FNDC1: variants seen among roughly 807,000 people sequenced by gnomAD.
FNDC1 encodes the protein fibronectin type III domain-containing protein 1.
In FNDC1, 96 loss-of-function variants were observed where a neutral mutation model predicts 168.0. The ratio of observed to expected loss-of-function variants is 0.57; its 90% confidence interval spans 0.48 to 0.68. The LOEUF is 0.68. FNDC1 is among the 30% of genes least tolerant of loss of function. The pLI is 0.00. For missense variants in FNDC1, 2,587 were observed against 2,482.1 expected (o/e 1.04, Z -0.90); for synonymous variants, 1,099 against 1,025.9 (o/e 1.07, Z -1.36).
chr6:159,237,250 C>T (rs190570431), intron 12 of FNDC1, among the ~76,000 whole-genome samples: 133 of 152,330 alleles, frequency 8.7e-4, no homozygotes, highest in Middle Eastern at 3.4e-3. Flanking sequence ...ACAATACCCA[C>T]CAAAGTGGCT....
chr6:159,192,909 C>T lies in FNDC1; in HGVS notation c.110-4522C>T, dbSNP rs184469834. ...TCCTTGGACAGATCTGTACCTGATG[C>T]CTTCAGGGGCTAGGTTGGTCTAGTT... is the stretch of plus-strand genomic sequence containing the variant. On this transcript the variant is annotated intron_variant, in intron 1 of 22. Transcript: ENST00000297267. Among the ~76,000 whole-genome samples, 6 of 152,260 alleles carry T rather than the reference C, an allele frequency of 3.9e-5. 1 individual carries two copies. The highest frequency in any genetic ancestry group is 3.9e-4 in the Admixed American group (6 of 15,308).
rs1777630718 is a variant in FNDC1, at chr6:159,268,167, GAT to G, written c.5569+243_5569+244del. Among the ~76,000 whole-genome samples the G allele has an allele frequency of 3.3e-5, 5 of 152,288 alleles. No individual in the cohort carries two copies. In the South Asian group the frequency reaches 1.0e-3, roughly 32 times the overall value. On this transcript the variant is annotated intron_variant, in intron 22 of 22. Transcript: ENST00000297267. ...TGAACAAAGGTACAGAGAAGGCAAA[GAT>G]AAACACACATGCAGACCCACCGTGA...
At position 159,256,626 on chromosome 6, in the gene FNDC1, C is replaced by T. The variant is rs770819297; in HGVS notation, c.5169C>T (p.Asn1723=). 5 of 1,607,230 alleles carry T rather than the reference C, an allele frequency of 3.1e-6. No individual in the cohort carries two copies. Among genetic ancestry groups the T allele is most frequent in the Non-Finnish European group, 4.3e-6 (5 of 1,173,724 alleles). ...TGCCCATTGAGAACCTAAAGCCCAA[C>T]ACGAGGTACGATGTGTCAGTCATTT... The part of the protein sequence containing the change: ...THLPIENLKP[N]TRYYFKVQAQ... The change falls in exon 18 of 23, where the codon AAC becomes AAT. Residue 1723 remains asparagine, a synonymous_variant. Coordinates refer to ENST00000297267, the MANE Select transcript of FNDC1 (RefSeq NM_032532.3).
Position 159,239,576 on chromosome 6 carries a change from C to T in FNDC1, c.4240C>T (p.His1414Tyr). 1 of 1,600,834 alleles carries T rather than the reference C, an allele frequency of 6.2e-7. No individual in the cohort carries two copies. The highest frequency in any genetic ancestry group is 8.5e-7 in the Non-Finnish European group (1 of 1,173,446). ...DGLPLFGQGR[H>Y]GTPLANAQDK... Reference sequence around the variant, plus strand: ...CCTCCCACTCTTTGGGCAGGGGCGACATGGCACACCTCTGGCCAATGCCCA... The same window carrying T: ...CCTCCCACTCTTTGGGCAGGGGCGATATGGCACACCTCTGGCCAATGCCCA... The change falls in exon 14 of 23, where the codon CAT (histidine) becomes TAT (tyrosine). Residue 1414 changes from histidine (H) to tyrosine (Y), a missense_variant. His to Tyr is a moderately conservative substitution (Grantham distance 83, BLOSUM62 2). Coordinates refer to ENST00000297267, the MANE Select transcript of FNDC1 (RefSeq NM_032532.3).
intron 17 of FNDC1, among the ~76,000 whole-genome samples, chr6:159,255,644 A>G (rs1452686047): frequency 1.3e-5 from 2 of 152,208 alleles, no homozygotes; most frequent in Non-Finnish European, 2.9e-5. Context: ...ACCTATTGCT[A>G]ATACTCAGTT....
chr6:159,252,825 A>G (rs1487207257), intron 17 of FNDC1, among the ~76,000 whole-genome samples: 1 of 152,266 alleles, frequency 6.6e-6, no homozygotes. Flanking sequence ...GACCTCTTGC[A>G]TAACAGATAT....
At position 159,212,742 on chromosome 6, in the gene FNDC1, C is replaced by T. The variant is rs946747865; in HGVS notation, c.461-2203C>T. On this transcript the variant is annotated intron_variant, in intron 4 of 22. Coordinates refer to ENST00000297267, the MANE Select transcript of FNDC1 (RefSeq NM_032532.3). The stretch of plus-strand genomic sequence containing the variant: ...AGAATACTTTTTGTTATATGTAATG[C>T]CTACTGGGCAAAGCAGTCATGTGTT... 5.3e-5 allele frequency among the ~76,000 whole-genome samples: 8 copies of T among 152,174 alleles called. No individual in the cohort carries two copies. The East Asian group carries it at 9.6e-4, about 18-fold the overall frequency.
chr6:159,184,808 A>G (rs1425254524), intron 1 of FNDC1, among the ~76,000 whole-genome samples: 2 of 152,182 alleles, frequency 1.3e-5, no homozygotes, highest in Non-Finnish European at 2.9e-5. Flanking sequence ...AACAATGGTC[A>G]TTCTTTAAGA....
At chr6:159,183,764 T>C (rs1583853064) in intron 1 of FNDC1, among the ~76,000 whole-genome samples, 1 of 152,124 alleles carries the variant, frequency 6.6e-6, no homozygotes, top group Non-Finnish European at 1.5e-5. Context: ...TGAGAAGACT[T>C]GCTTCTAGGA....
At chr6:159,268,177 C>T (rs1036578194) in intron 22 of FNDC1, among the ~76,000 whole-genome samples, 2 of 152,136 alleles carry the variant, frequency 1.3e-5, no homozygotes, top group African/African-American at 2.4e-5. Flanking sequence ...GATAAACACA[C>T]ATGCAGACCC....
chr6:159,205,118 G>A (rs574760402), intron 4 of FNDC1, among the ~76,000 whole-genome samples: 83 of 152,206 alleles, frequency 5.5e-4, no homozygotes, highest in Non-Finnish European at 1.1e-3. Flanking sequence ...TCTGGGGTGG[G>A]ATTCATCTTT....
intron 16 of FNDC1, among the ~76,000 whole-genome samples, chr6:159,250,092 C>T (rs1336492140): frequency 4.6e-5 from 7 of 152,200 alleles, no homozygotes; most frequent in Non-Finnish European, 1.0e-4. Context: ...GAAATGCTTT[C>T]TGTGGTATTA....
At chr6:159,176,875 T>C (rs1002954647) in intron 1 of FNDC1, among the ~76,000 whole-genome samples, 5 of 152,236 alleles carry the variant, frequency 3.3e-5, no homozygotes, top group Non-Finnish European at 7.3e-5. Context: ...TGGGGCCTTC[T>C]TCATGCCAAT....
chr6:159,180,412 A>G (rs934345583), intron 1 of FNDC1, among the ~76,000 whole-genome samples: 5 of 152,170 alleles, frequency 3.3e-5, no homozygotes, highest in African/African-American at 1.2e-4. Flanking sequence ...AAGGGATACA[A>G]TTTAACTCAT....
chr6:159,236,114 T>C (rs1453060998), intron 11 of FNDC1, 101 bp from the exon 12 acceptor site: 2 of 701,510 alleles, frequency 2.9e-6, no homozygotes, highest in Non-Finnish European at 2.4e-6. Context: ...AGAGCTTCTA[T>C]TTGAAATGAT....
At chr6:159,254,842 T>C (rs149460180) in intron 17 of FNDC1, among the ~76,000 whole-genome samples, 1 of 152,156 alleles carries the variant, frequency 6.6e-6, no homozygotes, top group Non-Finnish European at 1.5e-5. Flanking sequence ...CCTGAAGCCT[T>C]AGAAGCATCT....
intron 5 of FNDC1, among the ~76,000 whole-genome samples, chr6:159,217,545 C>T (rs1240495529): frequency 1.3e-5 from 2 of 152,080 alleles, no homozygotes; most frequent in Non-Finnish European, 2.9e-5. Flanking sequence ...CATCAGATCC[C>T]TTCCCTGATA....
intron 1 of FNDC1, among the ~76,000 whole-genome samples, chr6:159,196,238 T>C (rs949161956): frequency 2.0e-5 from 3 of 152,186 alleles, no homozygotes; most frequent in African/African-American, 4.8e-5. Flanking sequence ...TTTTTGTCCA[T>C]ACCCTAACAT....
intron 1 of FNDC1, among the ~76,000 whole-genome samples, chr6:159,170,920 C>T (rs1258011766): frequency 6.6e-6 from 1 of 152,178 alleles, no homozygotes; most frequent in Non-Finnish European, 1.5e-5. Flanking sequence ...CCAACTTCCC[C>T]ACCTACAACT....
Sources: gnomAD v4.1 joint callset for allele counts (sites outside exome capture counted in the v4.1 genomes callset) on GRCh38, gnomAD v4.1.1 for gene constraint, MANE v1.5 for transcripts, NCBI Gene and HGNC (gene_info 2026-07-23, HGNC 2026-07-21) for gene names.